Variants in SYN2 observed in about 807,000 individuals in gnomAD.
SYN2 encodes synapsin-2.
Under a neutral mutation model 50.9 loss-of-function variants are expected in SYN2, and 19 were observed. The observed-to-expected ratio is 0.37, with a 90% CI of 0.26 to 0.55. The LOEUF (loss-of-function observed/expected upper bound fraction) is 0.55. Among genes scored for constraint, SYN2 ranks in the 20% least tolerant of loss-of-function variants. The pLI is 0.81. For missense variants in SYN2, 587 were observed against 576.4 expected, an observed-to-expected ratio of 1.02 and a Z score of -0.19; for synonymous variants, 255 against 224.9, an observed-to-expected ratio of 1.13 and a Z score of -1.20.
chr3:12,116,353 G>C (rs559497859), intron 1 of SYN2, among the ~76,000 whole-genome samples: 6 of 152,200 alleles, frequency 3.9e-5, no homozygotes, highest in Non-Finnish European at 8.8e-5. Flanking sequence ...TAGGGACTTA[G>C]CTGGAAGAAG....
chr3:12,146,694 A>C (rs1013108836), intron 4 of SYN2, among the ~76,000 whole-genome samples: 1 of 152,080 alleles, frequency 6.6e-6, no homozygotes, highest in Non-Finnish European at 1.5e-5. Context: ...TCCTTGGCCA[A>C]TTTGGAAATC....
intron 1 of SYN2, chr3:12,071,377 A>C (rs1277897857): frequency 1.8e-6 from 1 of 557,674 alleles, no homozygotes; most frequent in Non-Finnish European, 3.6e-6. Context: ...GACCGTAAGC[A>C]GATGTGTAGC....
At chr3:12,084,058 C>G (rs1191725684) in intron 1 of SYN2, among the ~76,000 whole-genome samples, 2 of 152,168 alleles carry the variant, frequency 1.3e-5, no homozygotes, top group African/African-American at 2.4e-5. Context: ...AGGTAGCCAT[C>G]TAAGGTTTAA....
chr3:12,070,349 G>A (rs919368367), intron 1 of SYN2: 4 of 509,306 alleles, frequency 7.9e-6, no homozygotes, highest in Non-Finnish European at 1.6e-5. Flanking sequence ...TGGCACCAGG[G>A]CACGATGGTG....
At chr3:12,119,057 C>T (rs771624623) in intron 1 of SYN2, among the ~76,000 whole-genome samples, 1 of 152,102 alleles carries the variant, frequency 6.6e-6, no homozygotes, top group Non-Finnish European at 1.5e-5. Context: ...GAAAGTGCAG[C>T]CTTTCACAAA....
chr3:12,153,575 G>A, intron 5 of SYN2: 1 of 1,614,132 alleles, frequency 6.2e-7, no homozygotes, highest in Non-Finnish European at 8.5e-7. Flanking sequence ...GGTACCAGCT[G>A]CAGGTGCCGT....
chr3:12,144,641 G>A (rs73813135), intron 3 of SYN2, among the ~76,000 whole-genome samples: 5,111 of 152,250 alleles, frequency 0.034, 269 homozygotes, highest in African/African-American at 0.11. Context: ...CCTCCTAAGG[G>A]TATTTGTACC....
chr3:12,077,566 C>G (rs577681390), intron 1 of SYN2, among the ~76,000 whole-genome samples: 1 of 152,040 alleles, frequency 6.6e-6, no homozygotes, highest in African/African-American at 2.4e-5. Context: ...TGAGAATATG[C>G]GGTGTTTGGT....
intron 1 of SYN2, among the ~76,000 whole-genome samples, chr3:12,073,822 C>G (rs1047790296): frequency 2.0e-5 from 3 of 152,148 alleles, no homozygotes; most frequent in Non-Finnish European, 2.9e-5. Flanking sequence ...AGAATGTACT[C>G]TATAATTGTT....
chr3:12,050,258 G>A (rs1033157359), intron 1 of SYN2, among the ~76,000 whole-genome samples: 1 of 151,596 alleles, frequency 6.6e-6, no homozygotes, highest in Non-Finnish European at 1.5e-5. Flanking sequence ...TGAAATGTTA[G>A]AGTTTATTAG....
At chr3:12,096,575 C>T (rs947219054) in intron 1 of SYN2, among the ~76,000 whole-genome samples, 3 of 151,814 alleles carry the variant, frequency 2.0e-5, no homozygotes, top group African/African-American at 7.3e-5. Context: ...TGATCATCAG[C>T]TTCTGCTTGT....
intron 1 of SYN2, among the ~76,000 whole-genome samples, chr3:12,109,715 C>CT (rs1288554268): frequency 1.3e-5 from 2 of 152,094 alleles, no homozygotes; most frequent in Admixed American, 6.5e-5. Context: ...TATAACTCTT[C>CT]TGGGTTTGGG....
At chr3:12,062,470 A>C (rs1695132835) in intron 1 of SYN2, among the ~76,000 whole-genome samples, 1 of 152,050 alleles carries the variant, frequency 6.6e-6, no homozygotes, top group African/African-American at 2.4e-5. Context: ...ACAGCACCAA[A>C]AACATAATCT....
At chr3:12,162,396 A>C (rs968344682) in intron 7 of SYN2, among the ~76,000 whole-genome samples, 6 of 152,238 alleles carry the variant, frequency 3.9e-5, no homozygotes, top group Non-Finnish European at 8.8e-5. Flanking sequence ...ACGACAGACT[A>C]CATTAGTTAC....
Position 12,005,059 on chromosome 3 carries a change from G to A in SYN2, c.377+131G>A, listed in dbSNP as rs1020186594. On this transcript the variant is annotated intron_variant, in intron 1 of 12. Transcript: ENST00000621198. The stretch of plus-strand genomic sequence containing the variant: ...AGGAGGGTCCCCGAGGTCCCGCTGG[G>A]AGGAGGTGCGGGCTGAGCGCGCGCG... The A allele has an allele frequency of 1.0e-5, 4 of 386,984 alleles. No homozygotes were observed. The East Asian group carries it at 1.5e-4, about 15-fold the overall frequency. 24.0% of individuals were successfully genotyped at this position (386,984 alleles called of 1,614,324 possible).
intron 1 of SYN2, among the ~76,000 whole-genome samples, chr3:12,122,370 G>C (rs1370403049): frequency 1.3e-5 from 2 of 152,170 alleles, no homozygotes; most frequent in Non-Finnish European, 2.9e-5. Context: ...TCTCGAGGCT[G>C]AAAATAAAAG....
chr3:12,183,860 C>G (rs965513660), intron 11 of SYN2: 2 of 1,023,934 alleles, frequency 2.0e-6, no homozygotes, highest in Non-Finnish European at 2.3e-6. Context: ...CCCCCAAGCT[C>G]AGTTAAATCC....
intron 1 of SYN2, among the ~76,000 whole-genome samples, chr3:12,107,764 G>A (rs1278274360): frequency 6.6e-6 from 1 of 152,012 alleles, no homozygotes; most frequent in Non-Finnish European, 1.5e-5. Flanking sequence ...TATAAGAGGA[G>A]CAATATGACT....
At chr3:12,052,244 G>A (rs1694880993) in intron 1 of SYN2, among the ~76,000 whole-genome samples, 1 of 152,034 alleles carries the variant, frequency 6.6e-6, no homozygotes, top group African/African-American at 2.4e-5. Flanking sequence ...TTGCAGAAGA[G>A]AAACTAGAAT....
Sources: allele counts gnomAD v4.1 joint callset (sites outside exome capture counted in the v4.1 genomes callset), GRCh38; gene constraint gnomAD v4.1.1; transcripts MANE v1.5; gene names NCBI Gene and HGNC (gene_info 2026-07-23, HGNC 2026-07-21).